The following TG variants were observed in gnomAD, a reference collection of about 807,000 sequenced individuals.
TG encodes the protein thyroid hormones.
TG carries 270 observed loss-of-function variants against 324.7 expected under a neutral mutation model. The ratio of observed to expected loss-of-function variants is 0.83; its 90% CI spans 0.75 to 0.92. TG has a LOEUF of 0.92. TG is among the 40% of genes least tolerant of loss of function. TG has a pLI of 0.00. For missense variants in TG, 3,591 were observed against 3,456.4 expected (o/e 1.04, Z -0.98); for synonymous variants, 1,401 against 1,327.0 (o/e 1.06, Z -1.21).
In TG at chr8:133,011,088, C is replaced by T. The variant is rs28620579; in HGVS notation, c.6263-813C>T. Among the ~76,000 whole-genome samples, 295 of 152,190 alleles carry T rather than the reference C, an allele frequency of 1.9e-3. 1 individual carries two copies. The highest frequency in any genetic ancestry group is 6.9e-3 in the African/African-American group (287 of 41,528). On this transcript the variant is annotated intron_variant, in intron 35 of 47. Transcript: ENST00000220616. The stretch of plus-strand genomic sequence containing the variant: ...TGCATGCAAGAAGCTTGGTGCAGAG[C>T]ATGCTTGGGATATAGAAGGAAGTGA...
At chr8:132,999,471 A>G (rs1225166678) in intron 35 of TG, among the ~76,000 whole-genome samples, 6 of 152,208 alleles carry the variant, frequency 3.9e-5, no homozygotes, top group Admixed American at 6.5e-5. Context: ...TGGAAAAAGC[A>G]TACAAACTCC....
At position 132,986,978 on chromosome 8, in the gene TG, A is replaced by G. The variant is rs187950546; in HGVS notation, c.6262+3566A>G. Among the ~76,000 whole-genome samples the G allele has an allele frequency of 6.6e-5, 10 of 152,338 alleles. No homozygotes were observed. In the East Asian group the frequency reaches 1.9e-3, roughly 29 times the overall value. ...TTGTTAAAGATGCATAAACCAAAGC[A>G]TAACTTCTTTGGGTGATTTTACAAT... On this transcript the variant is annotated intron_variant, in intron 35 of 47. Coordinates refer to ENST00000220616, the MANE Select transcript of TG (RefSeq NM_003235.5).
At chr8:133,074,016 G>A (rs538122626) in intron 41 of TG, among the ~76,000 whole-genome samples, 1 of 152,226 alleles carries the variant, frequency 6.6e-6, no homozygotes, top group East Asian at 1.9e-4. Context: ...CCCCAAATGA[G>A]GACATTCTGA....
chr8:132,901,544 G>A lies in TG; in HGVS notation c.3625G>A (p.Ala1209Thr), dbSNP rs545091700. The A allele has an allele frequency of 4.7e-5, 76 of 1,612,974 alleles. 2 individuals are homozygous for A. The African/African-American group carries it at 5.5e-4, about 12-fold the overall frequency. Residue 1209 changes from alanine (A) to threonine (T), a missense_variant, in exon 16 of 48, where the codon GCC becomes ACC. By Grantham distance (58) the Ala-to-Thr change is moderately conservative (BLOSUM62 0). Coordinates refer to ENST00000220616, the MANE Select transcript of TG (RefSeq NM_003235.5). ...PGTRVTGGQP[A>T]CESPRCPLPF... Reference sequence around the variant, plus strand: ...GACGCGCGTGACCGGGGGCCAGCCCGCCTGTGAGAGTAAGTCATGACCCCC... The same window carrying A: ...GACGCGCGTGACCGGGGGCCAGCCCACCTGTGAGAGTAAGTCATGACCCCC...
chr8:132,948,179 T>TC (rs34581780), intron 26 of TG, among the ~76,000 whole-genome samples: 78,344 of 151,118 alleles, frequency 0.52, 21,630 homozygotes, highest in Non-Finnish European at 0.61. Flanking sequence ...TCTTACTCCG[T>TC]CCCCCCCCAA....
chr8:133,113,910 T>C (rs535381807), intron 44 of TG, among the ~76,000 whole-genome samples: 4 of 152,208 alleles, frequency 2.6e-5, no homozygotes. Context: ...CAGAAGTGCC[T>C]GGTGCACGCT....
chr8:133,030,648 G>A (rs1024697020), intron 41 of TG, among the ~76,000 whole-genome samples: 3 of 152,210 alleles, frequency 2.0e-5, no homozygotes, highest in African/African-American at 7.2e-5. Flanking sequence ...CCAGTTCTTA[G>A]GAAGCTTGTC....
chr8:132,959,743 C>T (rs946892524), intron 27 of TG, among the ~76,000 whole-genome samples: 5 of 152,132 alleles, frequency 3.3e-5, no homozygotes, highest in African/African-American at 1.2e-4. Context: ...ATTCCTTTAT[C>T]TGGAAATCAG....
At chr8:132,959,256 A>C (rs985641226) in intron 27 of TG, among the ~76,000 whole-genome samples, 1 of 152,244 alleles carries the variant, frequency 6.6e-6, no homozygotes, top group Non-Finnish European at 1.5e-5. Context: ...AAACACCTTT[A>C]ACATTTTTGC....
At chr8:132,969,785 A>C (rs1007814844) in intron 32 of TG, among the ~76,000 whole-genome samples, 1 of 151,896 alleles carries the variant, frequency 6.6e-6, no homozygotes, top group Non-Finnish European at 1.5e-5. Flanking sequence ...GTGGCGGCAC[A>C]TGCTAGTAGT....
At chr8:132,986,256 C>G (rs1472550864) in intron 35 of TG, among the ~76,000 whole-genome samples, 2 of 151,684 alleles carry the variant, frequency 1.3e-5, no homozygotes, top group South Asian at 2.1e-4. Context: ...ATTGTAGTCT[C>G]TATGTATAAT....
At chr8:132,934,995 T>C (rs967055229) in intron 24 of TG, among the ~76,000 whole-genome samples, 2 of 152,088 alleles carry the variant, frequency 1.3e-5, no homozygotes, top group East Asian at 1.9e-4. Context: ...TCCTCTCCCG[T>C]CACTCCCCTC....
chr8:133,026,654 C>T (rs1440114682), intron 40 of TG, among the ~76,000 whole-genome samples: 6 of 152,170 alleles, frequency 3.9e-5, no homozygotes. Flanking sequence ...GCGCTTTGGC[C>T]AGGACACCAG....
At chr8:132,881,118 C>T (rs1814586011) in intron 5 of TG, among the ~76,000 whole-genome samples, 1 of 152,120 alleles carries the variant, frequency 6.6e-6, no homozygotes, top group Admixed American at 6.5e-5. Context: ...ATGAACAGTT[C>T]CTCTCTGGTT....
intron 34 of TG, among the ~76,000 whole-genome samples, chr8:132,975,515 G>A (rs532658942): frequency 6.6e-6 from 1 of 152,282 alleles, no homozygotes; most frequent in South Asian, 2.1e-4. Context: ...CTCGACTCAG[G>A]AGTTTTGACC....
At chr8:133,131,762 A>AG (rs756838220) in intron 45 of TG, 50 bp from the exon 46 acceptor site, 203 of 1,609,036 alleles carry the variant, frequency 1.3e-4, no homozygotes, top group Non-Finnish European at 1.7e-4. Flanking sequence ...GTTTTTGAGT[A>AG]GTTTACTTTC....
rs1279731775 is a variant in TG at position 133,001,764 on chromosome 8, T to C, written c.6263-10137T>C. The C allele has an allele frequency of 1.1e-5, 11 of 985,364 alleles. No homozygotes were observed. The South Asian group carries it at 3.3e-4, about 29-fold the overall frequency. The allele number at this position is 985,364 out of a possible 1,614,324, so 61.0% of individuals were successfully genotyped here. ...CAGCTTCCAGTCACTTCTATTCTGC[T>C]TATCACAGGGATCATGAAGGTTTGC... On this transcript the variant is annotated intron_variant, in intron 35 of 47. Coordinates refer to ENST00000220616, the MANE Select transcript of TG (RefSeq NM_003235.5).
In TG at chr8:132,895,089, C is replaced by A. The variant is rs111839174; in HGVS notation, c.3001+1160C>A. On this transcript the variant is annotated intron_variant, in intron 11 of 47. Transcript: ENST00000220616. ...AGCCCTTGTTCTTCCTCCATAACCT[C>A]ACAGCTGCTCTGGCAGGAGAACAGG... Among the ~76,000 whole-genome samples the A allele has an allele frequency of 4.6e-5, 7 of 152,366 alleles. 1 individual carries two copies. The highest frequency in any genetic ancestry group is 1.7e-4 in the African/African-American group (7 of 41,584).
chr8:132,897,636 T>G lies in TG; in HGVS notation c.3002-13T>G. 1 of 1,614,120 alleles carries G rather than the reference T, an allele frequency of 6.2e-7. No homozygotes were observed. On this transcript the variant is annotated splice_polypyrimidine_tract_variant and intron_variant, in intron 11 of 47. Coordinates refer to ENST00000220616, the MANE Select transcript of TG (RefSeq NM_003235.5). Reference sequence around the variant, plus strand: ...GGTGGTCATATTCTGCTTTTCTCCTTCCCTGACTCCAGCCTTAAGCTTCTA... The same window carrying G: ...GGTGGTCATATTCTGCTTTTCTCCTGCCCTGACTCCAGCCTTAAGCTTCTA...
Sources: allele counts gnomAD v4.1 joint callset (sites outside exome capture counted in the v4.1 genomes callset), GRCh38; gene constraint gnomAD v4.1.1; transcripts MANE v1.5; gene names NCBI Gene and HGNC (gene_info 2026-07-23, HGNC 2026-07-21).